The following MED12L variants were observed in gnomAD, a reference collection of about 807,000 sequenced individuals.
MED12L encodes mediator complex subunit 12L.
In MED12L, 60 loss-of-function variants were observed where a neutral mutation model predicts 281.3. The observed-to-expected ratio is 0.21, with a 90% confidence interval of 0.17 to 0.26. MED12L has a LOEUF of 0.26. Among genes scored for constraint, MED12L ranks in the 10% least tolerant of loss-of-function variants. The pLI, the probability that MED12L is intolerant of heterozygous loss-of-function variation, is 1.00. For synonymous variants in MED12L, 974 were observed against 987.2 expected (o/e 0.99, Z 0.25); for missense variants, 2,146 against 2,680.9 (o/e 0.80, Z 4.41).
At chr3:151,158,162 T>C (rs926381659) in intron 6 of MED12L, among the ~76,000 whole-genome samples, 2 of 152,218 alleles carry the variant, frequency 1.3e-5, no homozygotes, top group African/African-American at 4.8e-5. Flanking sequence ...TATTTTATCA[T>C]AAATTCCTTT....
rs187515380 is a variant in MED12L, at chr3:151,112,374, G to A, written c.100-3964G>A. Among the ~76,000 whole-genome samples the A allele has an allele frequency of 2.6e-5, 4 of 151,312 alleles. No homozygotes were observed. The East Asian group carries it at 5.8e-4, about 22-fold the overall frequency. On this transcript the variant is annotated intron_variant, in intron 2 of 44. Coordinates refer to ENST00000687756, the MANE Select transcript of MED12L (RefSeq NM_001393769.1). ...CTCCTCTCTGCAACCTCCACCTCTCGGGTTCAAGCAATTCTCTGCCTTCTA... is the reference window on the plus strand; with the variant it reads ...CTCCTCTCTGCAACCTCCACCTCTCAGGTTCAAGCAATTCTCTGCCTTCTA...
chr3:151,140,447 A>G (rs1200207299), intron 5 of MED12L, among the ~76,000 whole-genome samples: 1 of 152,148 alleles, frequency 6.6e-6, no homozygotes, highest in Non-Finnish European at 1.5e-5. Context: ...TACTTTGCTG[A>G]TTTACAGAAA....
At chr3:151,389,901 G>A in intron 37 of MED12L, 78 bp from the exon 38 acceptor site, 3 of 1,444,732 alleles carry the variant, frequency 2.1e-6, no homozygotes, top group Non-Finnish European at 2.9e-6. Context: ...ACCTCAGATA[G>A]CTTACTGAAG....
chr3:151,422,054 G>C (rs906347183), intron 43 of MED12L, among the ~76,000 whole-genome samples: 9 of 152,174 alleles, frequency 5.9e-5, no homozygotes, highest in Non-Finnish European at 8.8e-5. Flanking sequence ...TTTTTTCTTA[G>C]GGTAGTGCAG....
intron 43 of MED12L, among the ~76,000 whole-genome samples, chr3:151,426,441 A>T (rs1455021489): frequency 1.3e-5 from 2 of 152,184 alleles, no homozygotes; most frequent in Admixed American, 1.3e-4. Flanking sequence ...CAGAGCCCAG[A>T]GAAATTGCAT....
chr3:151,373,348 TTAAGA>T (rs1756416123), intron 27 of MED12L, among the ~76,000 whole-genome samples: 3 of 152,212 alleles, frequency 2.0e-5, no homozygotes, highest in Admixed American at 2.0e-4. Flanking sequence ...TTAATTTTGA[TTAAGA>T]TGTTTCCATT....
At chr3:151,375,545 C>A (rs7633828) in intron 27 of MED12L, among the ~76,000 whole-genome samples, 17,661 of 152,086 alleles carry the variant, frequency 0.12, 1,322 homozygotes, top group Middle Eastern at 0.18. Flanking sequence ...ATGTGCACTA[C>A]TACTCATTTA....
intron 43 of MED12L, 47 bp from the exon 44 acceptor site, chr3:151,430,252 T>C (rs1482212835): frequency 1.2e-6 from 2 of 1,612,342 alleles, no homozygotes; most frequent in Non-Finnish European, 1.7e-6. Context: ...TTGTCTGTGA[T>C]TGGCACCATG....
At position 151,372,691 on chromosome 3, in the gene MED12L, T is replaced by C; in HGVS notation, c.3789T>C (p.Cys1263=). 2 of 1,613,988 alleles carry C rather than the reference T, an allele frequency of 1.2e-6. No individual in the cohort carries two copies. The highest frequency in any genetic ancestry group is 1.7e-6 in the Non-Finnish European group (2 of 1,179,868). The change falls in exon 27 of 45, where the codon TGT becomes TGC. Residue 1263 remains cysteine (C), a synonymous_variant. Transcript: ENST00000687756. ...IWTASQNPKS[C]GKSISIETAN... ...CTGCCTCACAAAATCCAAAATCCTG[T>C]GGGAAAAGCATTTCCATAGAAACTG...
At chr3:151,305,255 C>G (rs1403582726) in intron 16 of MED12L, among the ~76,000 whole-genome samples, 1 of 152,214 alleles carries the variant, frequency 6.6e-6, no homozygotes, top group Non-Finnish European at 1.5e-5. Context: ...ACCTACTGTT[C>G]CTTCAGCTGA....
chr3:151,197,515 A>C (rs1011864166), intron 16 of MED12L, among the ~76,000 whole-genome samples: 1 of 152,162 alleles, frequency 6.6e-6, no homozygotes, highest in Admixed American at 6.5e-5. Context: ...CCTGGGTGGC[A>C]CTGAGTAGCT....
intron 16 of MED12L, among the ~76,000 whole-genome samples, chr3:151,257,358 T>C (rs1211532938): frequency 1.1e-4 from 17 of 152,238 alleles, no homozygotes; most frequent in African/African-American, 4.1e-4. Flanking sequence ...TTTTTTTAAA[T>C]TGTTTATGTG....
intron 22 of MED12L, 80 bp from the exon 23 acceptor site, chr3:151,365,770 A>C (rs955039365): frequency 1.1e-5 from 13 of 1,221,622 alleles, no homozygotes; most frequent in Non-Finnish European, 1.4e-5. Context: ...TTAGTGAAAT[A>C]TATGTTAATT....
At chr3:151,329,472 G>A in intron 16 of MED12L, 2 of 1,530,160 alleles carry the variant, frequency 1.3e-6, no homozygotes, top group South Asian at 1.2e-5. Flanking sequence ...AACAAAAATT[G>A]AAATTCACCT....
chr3:151,174,474 T>C (rs1721804362), intron 11 of MED12L, among the ~76,000 whole-genome samples: 1 of 152,226 alleles, frequency 6.6e-6, no homozygotes, highest in Non-Finnish European at 1.5e-5. Flanking sequence ...GATTGTCTTA[T>C]CTGTCTTGTT....
At chr3:151,192,741 T>G in intron 15 of MED12L, 87 bp downstream of exon 15, 1 of 817,158 alleles carries the variant, frequency 1.2e-6, no homozygotes, top group Non-Finnish European at 2.0e-6. Context: ...GTTCTCAGAA[T>G]GACTTGCACA....
chr3:151,292,938 G>A (rs1170063182), intron 16 of MED12L, among the ~76,000 whole-genome samples: 1 of 152,136 alleles, frequency 6.6e-6, no homozygotes, highest in African/African-American at 2.4e-5. Context: ...CACACAATTG[G>A]GGGCGGTGAT....
intron 2 of MED12L, among the ~76,000 whole-genome samples, chr3:151,103,376 AT>A (rs1721626702): frequency 6.6e-6 from 1 of 152,216 alleles, no homozygotes; most frequent in South Asian, 2.1e-4. Flanking sequence ...ATATTTAGAT[AT>A]AATTGGAATC....
chr3:151,413,398 T>A, intron 42 of MED12L, 103 bp downstream of exon 42: 1 of 1,322,486 alleles, frequency 7.6e-7, no homozygotes, highest in East Asian at 2.4e-5. Flanking sequence ...ATTGCCAGAT[T>A]CCAAGGATCC....
Sources: allele counts gnomAD v4.1 joint callset (sites outside exome capture counted in the v4.1 genomes callset), GRCh38; gene constraint gnomAD v4.1.1; transcripts MANE v1.5; gene names NCBI Gene and HGNC (gene_info 2026-07-23, HGNC 2026-07-21).